The following THNSL1 variants were observed in gnomAD, a reference collection of about 807,000 sequenced individuals.
THNSL1 encodes the protein threonine synthase like 1, also known as threonine synthase-like 1.
Under a neutral mutation model 50.4 loss-of-function variants are expected in THNSL1, and 48 were observed. The observed-to-expected ratio is 0.95, with a 90% confidence interval of 0.76 to 1.21. The LOEUF (loss-of-function observed/expected upper bound fraction) is 1.21, where lower values mean the gene tolerates loss of function less well. Ranked by LOEUF, THNSL1 falls within the 50% of genes most tolerant of loss-of-function variation. The pLI is 0.00. For synonymous variants in THNSL1, 309 were observed against 306.1 expected (o/e 1.01, Z -0.10); for missense variants, 896 against 871.7 (o/e 1.03, Z -0.35).
At chr10:24,964,836 G>A in the THNSL1 span, among the ~76,000 whole-genome samples, 41 of 152,274 alleles carry the variant, frequency 2.7e-4, no homozygotes, top group East Asian at 7.7e-4. Context: ...TCCCAGGTGG[G>A]CAGATGGTTT....
the THNSL1 span, among the ~76,000 whole-genome samples, chr10:24,956,726 T>C: frequency 0.072 from 10,886 of 152,158 alleles, 894 homozygotes; most frequent in African/African-American, 0.2. Flanking sequence ...AAATATATCA[T>C]TCTGCTGTGC....
At chr10:25,010,609 AAC>A in the THNSL1 span, among the ~76,000 whole-genome samples, 2 of 145,686 alleles carry the variant, frequency 1.4e-5, no homozygotes, top group Non-Finnish European at 3.0e-5. Context: ...CCCACCCCAC[AAC>A]AGTCCCCAGA....
chr10:24,961,621 G>C, the THNSL1 span, among the ~76,000 whole-genome samples: 10,908 of 152,086 alleles, frequency 0.072, 1,246 homozygotes, highest in African/African-American at 0.24. Context: ...ACACTTTGAG[G>C]TTCGAGGGAA....
At chr10:25,006,955 C>T in the THNSL1 span, among the ~76,000 whole-genome samples, 6 of 152,092 alleles carry the variant, frequency 3.9e-5, no homozygotes, top group Admixed American at 3.3e-4. Context: ...ATAACTGGCA[C>T]GTTTTAAATT....
the THNSL1 span, among the ~76,000 whole-genome samples, chr10:24,977,841 G>A: frequency 6.6e-6 from 1 of 152,278 alleles, no homozygotes; most frequent in Non-Finnish European, 1.5e-5. Context: ...GGAGAACTTG[G>A]TAGCAGAAGT....
At chr10:24,984,233 G>A in the THNSL1 span, 1 of 940,722 alleles carries the variant, frequency 1.1e-6, no homozygotes, top group South Asian at 2.1e-5. Context: ...AAATGTCATG[G>A]GCCACAGGAA....
At chr10:25,005,770 G>T in the THNSL1 span, among the ~76,000 whole-genome samples, 1 of 152,188 alleles carries the variant, frequency 6.6e-6, no homozygotes, top group East Asian at 1.9e-4. Context: ...TCATAGCTCT[G>T]ATCTGCACTT....
chr10:24,964,098 T>C, the THNSL1 span, among the ~76,000 whole-genome samples: 1 of 152,248 alleles, frequency 6.6e-6, no homozygotes, highest in African/African-American at 2.4e-5. Flanking sequence ...CATTCCTGGC[T>C]TCTTTTGCTC....
the THNSL1 span, among the ~76,000 whole-genome samples, chr10:24,969,328 T>C: frequency 6.6e-6 from 1 of 152,220 alleles, no homozygotes; most frequent in African/African-American, 2.4e-5. Context: ...GTTACGTACT[T>C]AAGATATTAT....
At chr10:24,963,665 A>T in the THNSL1 span, among the ~76,000 whole-genome samples, 3 of 152,358 alleles carry the variant, frequency 2.0e-5, no homozygotes, top group East Asian at 5.8e-4. Flanking sequence ...AAAGACAAAT[A>T]AAAAGAAAAA....
chr10:25,025,927 T>C lies in THNSL1; in HGVS notation c.*472T>C, dbSNP rs957765439. 3.1e-5 allele frequency: 5 copies of C among 163,908 alleles called. No homozygotes were observed. Among genetic ancestry groups the C allele is most frequent in the African/African-American group, 1.2e-4 (5 of 41,578 alleles). The allele number at this position is 163,908 out of a possible 1,614,324, so 10.2% of individuals were successfully genotyped here. ...TTAGGATTTGGGCCAGTGTTTTTTGTTTGTTTTTTGGTGCAGTTTCAGCTC... is the reference window on the plus strand; with the variant it reads ...TTAGGATTTGGGCCAGTGTTTTTTGCTTGTTTTTTGGTGCAGTTTCAGCTC... On this transcript the variant is annotated 3_prime_UTR_variant, in exon 3 of 3. Coordinates refer to ENST00000376356, the MANE Select transcript of THNSL1 (RefSeq NM_024838.5).
intron 1 of THNSL1, among the ~76,000 whole-genome samples, chr10:25,017,066 TCGG>T (rs760565536): frequency 4.6e-5 from 7 of 152,062 alleles, no homozygotes; most frequent in Non-Finnish European, 8.8e-5. Context: ...GTCCTCCGGG[TCGG>T]CTCTGCGCCT....
the THNSL1 span, chr10:24,983,658 A>G: frequency 6.6e-6 from 1 of 152,178 alleles, no homozygotes; most frequent in Non-Finnish European, 1.5e-5. Flanking sequence ...AACCAAAATA[A>G]GCTTTTCTAT....
At chr10:25,004,219 A>C in the THNSL1 span, among the ~76,000 whole-genome samples, 1 of 152,174 alleles carries the variant, frequency 6.6e-6, no homozygotes, top group Non-Finnish European at 1.5e-5. Flanking sequence ...GCTACTGTGA[A>C]TAGTGCTGCA....
the THNSL1 span, among the ~76,000 whole-genome samples, chr10:25,001,086 A>G: frequency 2.0e-5 from 3 of 151,964 alleles, no homozygotes; most frequent in Non-Finnish European, 4.4e-5. Context: ...CCTTTATATA[A>G]TTGTATTTTA....
At chr10:25,000,749 AT>A in the THNSL1 span, among the ~76,000 whole-genome samples, 1 of 152,104 alleles carries the variant, frequency 6.6e-6, no homozygotes, top group Non-Finnish European at 1.5e-5. Context: ...TTTGTTTGGT[AT>A]GTTTATACCT....
At chr10:24,999,505 T>C in the THNSL1 span, 1 of 1,612,962 alleles carries the variant, frequency 6.2e-7, no homozygotes, top group African/African-American at 1.3e-5. Context: ...TTTAGCTTTT[T>C]GCATGTCATC....
At chr10:24,966,214 CACTT>C in the THNSL1 span, among the ~76,000 whole-genome samples, 1 of 152,316 alleles carries the variant, frequency 6.6e-6, no homozygotes, top group South Asian at 2.1e-4. Context: ...TCAAATATGT[CACTT>C]ACACAATTTG....
the THNSL1 span, among the ~76,000 whole-genome samples, chr10:25,010,484 T>G: frequency 3.3e-5 from 5 of 151,988 alleles, no homozygotes; most frequent in African/African-American, 1.2e-4. Flanking sequence ...AGGGTACATG[T>G]GCACAATGTG....
Sources: gnomAD v4.1 joint callset for allele counts (sites outside exome capture counted in the v4.1 genomes callset) on GRCh38, gnomAD v4.1.1 for gene constraint, MANE v1.5 for transcripts, NCBI Gene and HGNC (gene_info 2026-07-23, HGNC 2026-07-21) for gene names.